Variants in UBE2V2 observed in about 807,000 individuals in gnomAD.
UBE2V2 encodes the protein ubiquitin conjugating enzyme E2 V2, also known as ubiquitin-conjugating enzyme E2 variant 2.
Under a neutral mutation model 17.2 loss-of-function variants are expected in UBE2V2, and 9 were observed. That is an observed-to-expected ratio of 0.52 (90% CI 0.32 to 0.91). The LOEUF is 0.91. Among genes scored for constraint, UBE2V2 ranks in the 40% least tolerant of loss-of-function variants. The probability of loss-of-function intolerance (pLI) is 0.04; values close to 1 mark genes in which losing one functional copy is unlikely to be tolerated. For missense variants in UBE2V2, 133 were observed against 182.6 expected, an observed-to-expected ratio of 0.73 and a Z score of 1.56; for synonymous variants, 61 against 57.5, an observed-to-expected ratio of 1.06 and a Z score of -0.28.
At chr8:48,009,361 G>C (rs2091211838) in intron 1 of UBE2V2, among the ~76,000 whole-genome samples, 1 of 151,258 alleles carries the variant, frequency 6.6e-6, no homozygotes. Flanking sequence ...CACCTCCCAG[G>C]TTCAAGTGAT....
At chr8:48,054,645 T>G (rs1412861109) in intron 3 of UBE2V2, among the ~76,000 whole-genome samples, 1 of 152,256 alleles carries the variant, frequency 6.6e-6, no homozygotes, top group African/African-American at 2.4e-5. Flanking sequence ...TGAGGCTGTT[T>G]AAGTGTCTCA....
chr8:48,009,157 T>A lies in UBE2V2; in HGVS notation c.16+687T>A, dbSNP rs557728735. On this transcript the variant is annotated intron_variant, in intron 1 of 3. Coordinates refer to ENST00000523111, the MANE Select transcript of UBE2V2 (RefSeq NM_003350.3). ...TTGGTTTCCTGTGAGCACACAAGTATTAACGTTGAGGTTTTAGACATTAGA... is the reference window on the plus strand; with the variant it reads ...TTGGTTTCCTGTGAGCACACAAGTAATAACGTTGAGGTTTTAGACATTAGA... 3.7e-4 allele frequency among the ~76,000 whole-genome samples: 57 copies of A among 152,358 alleles called. No individual in the cohort carries two copies. In the South Asian group the frequency reaches 0.01, roughly 27 times the overall value.
Position 48,042,710 on chromosome 8 carries a change from CAG to C in UBE2V2, c.17-320_17-319del, listed in dbSNP as rs564966180. 504 of 172,700 alleles carry C rather than the reference CAG, an allele frequency of 2.9e-3. 2 individuals carry two copies. The highest frequency in any genetic ancestry group is 0.011 in the African/African-American group (466 of 42,358). The allele number at this position is 172,700 out of a possible 1,614,324, so 10.7% of individuals were successfully genotyped here. On this transcript the variant is annotated intron_variant, in intron 1 of 3. Transcript: ENST00000523111. The stretch of plus-strand genomic sequence containing the variant: ...TCTGGGCATGCCTGTTTGATTGGTG[CAG>C]AGTCCTTGGCTGTAACAGAAACATC...
chr8:48,004,362 A>C (rs1278390366), upstream of UBE2V2, among the ~76,000 whole-genome samples: 2 of 152,148 alleles, frequency 1.3e-5, no homozygotes, highest in Non-Finnish European at 2.9e-5. Context: ...ATAATATTAG[A>C]GTTTTTCTCT....
chr8:48,034,929 C>T, intron 1 of UBE2V2: 1 of 760,118 alleles, frequency 1.3e-6, no homozygotes, highest in Non-Finnish European at 1.6e-6. Context: ...CGCCTTGCTC[C>T]CCCTCCCTGC....
rs552126442 is a variant in UBE2V2 at position 48,046,740 on chromosome 8, G to C, written c.166-3113G>C. Among the ~76,000 whole-genome samples, 48 of 152,120 alleles carry C rather than the reference G, an allele frequency of 3.2e-4. 2 individuals are homozygous for C. In the East Asian group the frequency reaches 7.2e-3, roughly 23 times the overall value. ...GCCTTCTGAGTAGCTGGGACTATAG[G>C]GGTACACCACCATACCTGGCTAATT... On this transcript the variant is annotated intron_variant, in intron 2 of 3. Coordinates refer to ENST00000523111, the MANE Select transcript of UBE2V2 (RefSeq NM_003350.3).
At chr8:48,014,816 C>T (rs371179344) in intron 1 of UBE2V2, among the ~76,000 whole-genome samples, 26 of 151,298 alleles carry the variant, frequency 1.7e-4, no homozygotes, top group African/African-American at 6.1e-4. Context: ...TTTGGGAGGC[C>T]GAGGTGGGTG....
At chr8:48,036,114 C>A (rs1747402711) in intron 1 of UBE2V2, among the ~76,000 whole-genome samples, 1 of 151,772 alleles carries the variant, frequency 6.6e-6, no homozygotes, top group African/African-American at 2.4e-5. Flanking sequence ...ACCACCATGC[C>A]TGGCTAATTT....
chr8:48,021,304 CTTTT>C (rs1169402032), intron 1 of UBE2V2, among the ~76,000 whole-genome samples: 2 of 125,984 alleles, frequency 1.6e-5, no homozygotes, highest in African/African-American at 3.0e-5. Context: ...GTCTCGAACC[CTTTT>C]TTTTTTTTTT....
chr8:48,009,239 C>T (rs180772687), intron 1 of UBE2V2, among the ~76,000 whole-genome samples: 6 of 151,210 alleles, frequency 4.0e-5, no homozygotes, highest in Non-Finnish European at 8.8e-5. Context: ...AATGTTAACC[C>T]GTGTGATCTG....
intron 3 of UBE2V2, among the ~76,000 whole-genome samples, chr8:48,052,029 C>G (rs1336650091): frequency 6.6e-6 from 1 of 152,180 alleles, no homozygotes; most frequent in Admixed American, 6.5e-5. Context: ...CAGGTTTAAA[C>G]AGATCATCTT....
chr8:47,998,222 G>T, the UBE2V2 span, among the ~76,000 whole-genome samples: 2 of 151,996 alleles, frequency 1.3e-5, no homozygotes, highest in Non-Finnish European at 2.9e-5. Context: ...TCTGAACGGA[G>T]GCCAAGAGTA....
chr8:48,036,593 C>T (rs980056083), intron 1 of UBE2V2, among the ~76,000 whole-genome samples: 9 of 151,630 alleles, frequency 5.9e-5, no homozygotes, highest in Non-Finnish European at 8.8e-5. Context: ...ACCACCACGC[C>T]GGGCTAATTT....
At chr8:48,040,162 C>T (rs1462070895) in intron 1 of UBE2V2, among the ~76,000 whole-genome samples, 2 of 151,076 alleles carry the variant, frequency 1.3e-5, no homozygotes, top group African/African-American at 4.9e-5. Flanking sequence ...AACATTTTTG[C>T]TTGCTCTTGT....
At chr8:48,003,183 C>T in the UBE2V2 span, among the ~76,000 whole-genome samples, 2 of 148,328 alleles carry the variant, frequency 1.3e-5, no homozygotes, top group African/African-American at 5.0e-5. Flanking sequence ...GCACTACAGC[C>T]TGGGCGACAG....
chr8:48,059,981 A>G (rs892446681), intron 3 of UBE2V2, among the ~76,000 whole-genome samples: 5 of 151,970 alleles, frequency 3.3e-5, no homozygotes, highest in African/African-American at 1.2e-4. Context: ...TGAGGCAGGT[A>G]GATCACTTGA....
chr8:48,006,476 G>C (rs2091183595), upstream of UBE2V2, among the ~76,000 whole-genome samples: 1 of 151,994 alleles, frequency 6.6e-6, no homozygotes, highest in African/African-American at 2.4e-5. Flanking sequence ...TGTTCCTTTT[G>C]CTTACGATTG....
At chr8:48,035,630 TTTG>T (rs1290728789) in intron 1 of UBE2V2, among the ~76,000 whole-genome samples, 2 of 138,550 alleles carry the variant, frequency 1.4e-5, no homozygotes, top group South Asian at 2.4e-4. Context: ...TTTTTTTTTT[TTTG>T]TGTGTGTGTG....
intron 3 of UBE2V2, 51 bp downstream of exon 3, chr8:48,050,029 T>C: frequency 7.8e-7 from 1 of 1,287,240 alleles, no homozygotes; most frequent in Non-Finnish European, 1.1e-6. Flanking sequence ...TATAGAGTTA[T>C]ATATTATACG....
Sources: gnomAD v4.1 joint callset for allele counts (sites outside exome capture counted in the v4.1 genomes callset) on GRCh38, gnomAD v4.1.1 for gene constraint, MANE v1.5 for transcripts, NCBI Gene and HGNC (gene_info 2026-07-23, HGNC 2026-07-21) for gene names.